The following SGCD variants were observed in gnomAD, a reference collection of about 807,000 sequenced individuals.
SGCD encodes sarcoglycan delta.
SGCD carries 18 observed loss-of-function variants against 36.6 expected under a neutral mutation model. The observed-to-expected ratio is 0.49, with a 90% CI of 0.34 to 0.73. The LOEUF is 0.73. Among genes scored for constraint, SGCD ranks in the 30% least tolerant of loss-of-function variants. The pLI is 0.01. For synonymous variants in SGCD, 133 were observed against 130.6 expected (o/e 1.02, Z -0.12); for missense variants, 387 against 346.7 (o/e 1.12, Z -0.92).
intron 1 of SGCD, among the ~76,000 whole-genome samples, chr5:156,011,465 G>C (rs947118927): frequency 6.6e-6 from 1 of 150,746 alleles, no homozygotes; most frequent in Non-Finnish European, 1.5e-5. Flanking sequence ...TTTTTTAGAT[G>C]AGTCTCGGTC....
At chr5:155,738,269 A>G in the SGCD span, among the ~76,000 whole-genome samples, 1 of 152,224 alleles carries the variant, frequency 6.6e-6, no homozygotes, top group Non-Finnish European at 1.5e-5. Flanking sequence ...TGCATGTTAA[A>G]AAGCCTAACA....
intron 3 of SGCD, among the ~76,000 whole-genome samples, chr5:156,441,901 C>G (rs553664233): frequency 1.3e-5 from 2 of 152,100 alleles, no homozygotes; most frequent in Non-Finnish European, 2.9e-5. Flanking sequence ...GGCTGATTTG[C>G]GTGGAAGAAA....
intron 1 of SGCD, among the ~76,000 whole-genome samples, chr5:155,877,211 G>A (rs1216300410): frequency 6.6e-6 from 1 of 152,050 alleles, no homozygotes; most frequent in East Asian, 1.9e-4. Context: ...AATTAGAAAT[G>A]TTTCCAAATC....
At chr5:155,825,507 G>A in the SGCD span, among the ~76,000 whole-genome samples, 188 of 152,306 alleles carry the variant, frequency 1.2e-3, 1 homozygote, top group Non-Finnish European at 1.5e-3. Context: ...ATTAGACTGT[G>A]TGCTCCTTGT....
the SGCD span, among the ~76,000 whole-genome samples, chr5:155,783,654 T>C: frequency 6.6e-6 from 1 of 152,178 alleles, no homozygotes; most frequent in Admixed American, 6.5e-5. Context: ...AGAGATTAAT[T>C]GTCCTCAATT....
intron 7 of SGCD, among the ~76,000 whole-genome samples, chr5:156,677,219 T>A (rs1362637714): frequency 1.3e-5 from 2 of 152,186 alleles, no homozygotes; most frequent in Non-Finnish European, 2.9e-5. Flanking sequence ...TGCACACGTA[T>A]GTTTATTGCG....
chr5:156,409,836 T>A (rs1171407088), intron 3 of SGCD, among the ~76,000 whole-genome samples: 2 of 152,196 alleles, frequency 1.3e-5, no homozygotes, highest in Non-Finnish European at 2.9e-5. Context: ...CTCATTCGGT[T>A]CTTTTTACTG....
intron 3 of SGCD, among the ~76,000 whole-genome samples, chr5:156,399,196 G>A (rs1003929653): frequency 6.6e-6 from 1 of 152,116 alleles, no homozygotes; most frequent in African/African-American, 2.4e-5. Context: ...TGTGTTAGTA[G>A]TCTTCTAGAG....
chr5:155,828,550 T>C, the SGCD span, among the ~76,000 whole-genome samples: 6 of 152,332 alleles, frequency 3.9e-5, no homozygotes, highest in African/African-American at 1.4e-4. Context: ...AGGAAGTGAT[T>C]TGAGGTCACC....
At chr5:155,943,773 A>C (rs1410106166) in intron 1 of SGCD, among the ~76,000 whole-genome samples, 1 of 152,080 alleles carries the variant, frequency 6.6e-6, no homozygotes, top group Non-Finnish European at 1.5e-5. Context: ...ACACCAACAC[A>C]ATTTTGAACT....
intron 6 of SGCD, among the ~76,000 whole-genome samples, chr5:156,600,537 T>G (rs902386846): frequency 4.6e-5 from 7 of 152,214 alleles, no homozygotes; most frequent in Admixed American, 4.6e-4. Context: ...TGTGTACACA[T>G]AACACATTTT....
chr5:155,794,678 G>T, the SGCD span, among the ~76,000 whole-genome samples: 1 of 152,062 alleles, frequency 6.6e-6, no homozygotes, highest in Non-Finnish European at 1.5e-5. Context: ...AAAGATAAGA[G>T]ATATGGAATA....
intron 3 of SGCD, among the ~76,000 whole-genome samples, chr5:156,368,216 G>A (rs139752471): frequency 0.013 from 1,937 of 151,914 alleles, 47 homozygotes; most frequent in African/African-American, 0.045. Context: ...TTAGCCTCCT[G>A]AGTAGCTGGG....
At chr5:156,458,280 A>T (rs1754341461) in intron 3 of SGCD, 1 of 688,566 alleles carries the variant, frequency 1.5e-6, no homozygotes, top group Non-Finnish European at 2.5e-6. Flanking sequence ...AATATTAGTC[A>T]CTAAGAAAAT....
chr5:155,847,411 G>T, the SGCD span, among the ~76,000 whole-genome samples: 1 of 152,120 alleles, frequency 6.6e-6, no homozygotes, highest in East Asian at 1.9e-4. Context: ...TTATGGCATA[G>T]TTATTTGAGG....
intron 1 of SGCD, among the ~76,000 whole-genome samples, chr5:155,935,162 TAGATC>T: frequency 6.6e-6 from 1 of 152,220 alleles, no homozygotes; most frequent in South Asian, 2.1e-4. Flanking sequence ...TTTTTCTGCT[TAGATC>T]AGCAAGAATT....
chr5:155,944,657 G>A (rs1039663575), intron 1 of SGCD, among the ~76,000 whole-genome samples: 3 of 152,030 alleles, frequency 2.0e-5, no homozygotes, highest in Non-Finnish European at 4.4e-5. Context: ...TAAGTGCTGC[G>A]ATAAGAACAT....
intron 3 of SGCD, among the ~76,000 whole-genome samples, chr5:156,308,081 C>T (rs571250678): frequency 7.9e-5 from 12 of 152,230 alleles, no homozygotes; most frequent in Admixed American, 3.9e-4. Context: ...TTATTAAGAA[C>T]TTTATTTCTT....
chr5:156,035,212 G>T (rs577558041), intron 1 of SGCD, among the ~76,000 whole-genome samples: 2 of 152,040 alleles, frequency 1.3e-5, no homozygotes, highest in African/African-American at 4.8e-5. Flanking sequence ...TTTGTCTTGT[G>T]CATTTTAAAG....
Sources: gnomAD v4.1 joint callset for allele counts (sites outside exome capture counted in the v4.1 genomes callset) on GRCh38, gnomAD v4.1.1 for gene constraint, MANE v1.5 for transcripts, NCBI Gene and HGNC (gene_info 2026-07-23, HGNC 2026-07-21) for gene names.